CFAP61: variants seen among roughly 807,000 people sequenced by gnomAD.
CFAP61 encodes cilia and flagella associated protein 61.
Under a neutral mutation model 135.6 loss-of-function variants are expected in CFAP61, and 107 were observed. The ratio of observed to expected loss-of-function variants is 0.79; its 90% CI spans 0.67 to 0.93. The LOEUF is 0.93. Among genes scored for constraint, CFAP61 ranks in the 40% least tolerant of loss-of-function variants. The probability of loss-of-function intolerance (pLI) is 0.00; values close to 1 mark genes in which losing one functional copy is unlikely to be tolerated. For synonymous variants in CFAP61, 575 were observed against 578.5 expected (o/e 0.99, Z 0.09); for missense variants, 1,507 against 1,556.2 (o/e 0.97, Z 0.53).
intron 8 of CFAP61, among the ~76,000 whole-genome samples, chr20:20,108,984 G>A (rs6112767): frequency 0.13 from 19,085 of 152,232 alleles, 1,378 homozygotes; most frequent in Non-Finnish European, 0.15. Context: ...ACAAACTGCA[G>A]TTACTTGTCA....
At chr20:20,182,563 C>T (rs1475423009) in intron 13 of CFAP61, among the ~76,000 whole-genome samples, 3 of 152,140 alleles carry the variant, frequency 2.0e-5, no homozygotes, top group Admixed American at 2.0e-4. Context: ...ACCCAAAACA[C>T]GGGCACACAG....
intron 20 of CFAP61, among the ~76,000 whole-genome samples, chr20:20,256,002 G>A (rs777316484): frequency 4.6e-5 from 7 of 152,144 alleles, no homozygotes; most frequent in Non-Finnish European, 1.0e-4. Flanking sequence ...TGATGCCCTG[G>A]GGTTGCCACG....
intron 22 of CFAP61, among the ~76,000 whole-genome samples, chr20:20,280,947 G>A (rs985404206): frequency 7.2e-5 from 11 of 151,852 alleles, no homozygotes; most frequent in African/African-American, 2.7e-4. Flanking sequence ...TTTTTAATTT[G>A]TGCTTTCCTG....
intron 25 of CFAP61, among the ~76,000 whole-genome samples, chr20:20,310,964 C>A (rs1456276550): frequency 6.6e-6 from 1 of 152,192 alleles, no homozygotes; most frequent in African/African-American, 2.4e-5. Flanking sequence ...GTGTTCATGT[C>A]CATCGTCCAC....
rs373321713 is a variant in CFAP61, at chr20:20,073,583, C to CATAAGCACAGGGGTACCGAGTTG, written c.295-717_295-695dup. Among the ~76,000 whole-genome samples the CATAAGCACAGGGGTACCGAGTTG allele has an allele frequency of 3.4e-3, 513 of 152,346 alleles. 2 individuals carry two copies. The highest frequency in any genetic ancestry group is 0.012 in the African/African-American group (495 of 41,570). ...TGTTTCCAGAATTTGAAGATTTGTT[C>CATAAGCACAGGGGTACCGAGTTG]ATAAGCACAGGGGTACCGAGTTGAG... On this transcript the variant is annotated intron_variant, in intron 3 of 26. Transcript: ENST00000245957.
At chr20:20,131,608 A>G (rs960377922) in intron 8 of CFAP61, among the ~76,000 whole-genome samples, 2 of 151,914 alleles carry the variant, frequency 1.3e-5, no homozygotes, top group African/African-American at 2.4e-5. Flanking sequence ...ATCCTTCTCT[A>G]TAATTTGTTA....
chr20:20,334,041 G>T (rs146149329), intron 25 of CFAP61, among the ~76,000 whole-genome samples: 3 of 152,338 alleles, frequency 2.0e-5, no homozygotes, highest in African/African-American at 7.2e-5. Flanking sequence ...AGCAGAGAAA[G>T]CCTTGCAAAG....
chr20:20,184,344 A>G (rs2055344600), intron 13 of CFAP61, among the ~76,000 whole-genome samples: 2 of 152,328 alleles, frequency 1.3e-5, no homozygotes, highest in African/African-American at 4.8e-5. Context: ...TGTGCCAGGC[A>G]TTGCTCTAGC....
chr20:20,341,157 C>T (rs1227647860), intron 25 of CFAP61, among the ~76,000 whole-genome samples: 1 of 152,146 alleles, frequency 6.6e-6, no homozygotes, highest in Non-Finnish European at 1.5e-5. Flanking sequence ...CAGTTAAGTT[C>T]CCTGTTCCAA....
intron 25 of CFAP61, among the ~76,000 whole-genome samples, chr20:20,309,724 T>C (rs974434533): frequency 6.6e-6 from 1 of 152,172 alleles, no homozygotes; most frequent in Admixed American, 6.5e-5. Context: ...AAAAATTATG[T>C]TTGGGACAGG....
At chr20:20,344,283 C>T (rs940892574) in intron 26 of CFAP61, among the ~76,000 whole-genome samples, 2 of 152,074 alleles carry the variant, frequency 1.3e-5, no homozygotes, top group African/African-American at 4.8e-5. Flanking sequence ...GAAGAGTGGC[C>T]CAGTGAGTGC....
intron 17 of CFAP61, chr20:20,215,287 A>C (rs938633600): frequency 2.0e-5 from 3 of 152,196 alleles, no homozygotes; most frequent in African/African-American, 7.2e-5. Flanking sequence ...CAAATAAATA[A>C]TTAGTTCCCA....
At chr20:20,056,010 G>A (rs559048790) in intron 1 of CFAP61, 22 of 1,605,842 alleles carry the variant, frequency 1.4e-5, no homozygotes, top group Middle Eastern at 1.7e-4. Flanking sequence ...CACTGTTGCC[G>A]TCATTAGAGA....
chr20:20,315,471 C>G (rs2057075863), intron 25 of CFAP61, among the ~76,000 whole-genome samples: 1 of 152,094 alleles, frequency 6.6e-6, no homozygotes. Context: ...CGAAAATTTT[C>G]TCGCATTGTG....
At chr20:20,073,264 G>C (rs192027252) in intron 3 of CFAP61, among the ~76,000 whole-genome samples, 26 of 152,344 alleles carry the variant, frequency 1.7e-4, no homozygotes, top group African/African-American at 6.3e-4. Flanking sequence ...TCATGTCGTC[G>C]TCATCGTTAT....
intron 6 of CFAP61, chr20:20,085,211 C>T (rs1191232486): frequency 3.0e-6 from 3 of 985,444 alleles, no homozygotes; most frequent in Non-Finnish European, 3.6e-6. Flanking sequence ...CTCCTTGCAT[C>T]CTGACTTTGA....
At chr20:20,326,820 A>G (rs555378146) in intron 25 of CFAP61, among the ~76,000 whole-genome samples, 8 of 152,272 alleles carry the variant, frequency 5.3e-5, no homozygotes, top group African/African-American at 1.7e-4. Flanking sequence ...ATGTATTATC[A>G]TGTCCAACTT....
chr20:20,157,236 T>G (rs2052992843), intron 9 of CFAP61, among the ~76,000 whole-genome samples: 1 of 152,052 alleles, frequency 6.6e-6, no homozygotes, highest in African/African-American at 2.4e-5. Flanking sequence ...CACCTAGATT[T>G]TTTTGTATGT....
chr20:20,271,457 C>T (rs2053343876), intron 21 of CFAP61, among the ~76,000 whole-genome samples: 1 of 152,172 alleles, frequency 6.6e-6, no homozygotes, highest in Non-Finnish European at 1.5e-5. Flanking sequence ...GGGCTGTTGA[C>T]GCTGACACCC....
Sources: gnomAD v4.1 joint callset for allele counts (sites outside exome capture counted in the v4.1 genomes callset) on GRCh38, gnomAD v4.1.1 for gene constraint, MANE v1.5 for transcripts, NCBI Gene and HGNC (gene_info 2026-07-23, HGNC 2026-07-21) for gene names.